Variants in GRIK3 observed in about 807,000 individuals in gnomAD.
GRIK3 encodes the protein glutamate ionotropic receptor kainate type subunit 3, also known as glutamate receptor ionotropic, kainate 3.
In GRIK3, 29 loss-of-function variants were observed where a neutral mutation model predicts 102.5. The observed-to-expected ratio is 0.28, with a 90% CI of 0.21 to 0.39. The LOEUF (loss-of-function observed/expected upper bound fraction) is 0.39, where lower values mean the gene tolerates loss of function less well. Among genes scored for constraint, GRIK3 ranks in the 10% least tolerant of loss-of-function variants. GRIK3 has a pLI of 1.00. For missense variants in GRIK3, 908 were observed against 1,252.4 expected (o/e 0.73, Z 4.15); for synonymous variants, 511 against 504.9 (o/e 1.01, Z -0.16).
chr1:36,999,664 C>T (rs775588492), intron 1 of GRIK3, among the ~76,000 whole-genome samples: 1 of 152,122 alleles, frequency 6.6e-6, no homozygotes, highest in Non-Finnish European at 1.5e-5. Context: ...ACACTGAGCC[C>T]GCTCCTACAG....
At chr1:36,823,740 C>T (rs189358067) in intron 11 of GRIK3, among the ~76,000 whole-genome samples, 2 of 152,120 alleles carry the variant, frequency 1.3e-5, no homozygotes, top group African/African-American at 2.4e-5. Context: ...CAGGTACTTG[C>T]GTTTGTCATC....
intron 1 of GRIK3, among the ~76,000 whole-genome samples, chr1:36,896,272 G>T (rs1641170432): frequency 6.6e-6 from 1 of 152,094 alleles, no homozygotes; most frequent in African/African-American, 2.4e-5. Context: ...ACAATAGTTT[G>T]TTCAAAATAA....
chr1:36,974,601 A>G (rs1239531187), intron 1 of GRIK3, among the ~76,000 whole-genome samples: 2 of 151,960 alleles, frequency 1.3e-5, no homozygotes, highest in Non-Finnish European at 2.9e-5. Flanking sequence ...GATCGAGACC[A>G]TCCTGGCTAA....
chr1:37,008,638 C>A (rs1045270824), intron 1 of GRIK3, among the ~76,000 whole-genome samples: 6 of 152,204 alleles, frequency 3.9e-5, no homozygotes, highest in Admixed American at 3.9e-4. Flanking sequence ...ACAGGGAGGG[C>A]CTGGGCAGTG....
chr1:36,823,000 G>A (rs1387963845), intron 11 of GRIK3, among the ~76,000 whole-genome samples: 1 of 152,178 alleles, frequency 6.6e-6, no homozygotes, highest in Admixed American at 6.5e-5. Flanking sequence ...ACAGTCCTAT[G>A]CCAACCTGGA....
intron 1 of GRIK3, among the ~76,000 whole-genome samples, chr1:36,951,638 G>C (rs1641845233): frequency 6.6e-6 from 1 of 152,218 alleles, no homozygotes; most frequent in Non-Finnish European, 1.5e-5. Flanking sequence ...AGGTACTTGA[G>C]CCTAAATTAA....
chr1:36,853,825 G>A, intron 7 of GRIK3, 103 bp from the exon 8 acceptor site: 1 of 709,252 alleles, frequency 1.4e-6, no homozygotes, highest in South Asian at 1.6e-5. Flanking sequence ...CACTGATACT[G>A]TTCCCCCAAG....
intron 1 of GRIK3, among the ~76,000 whole-genome samples, chr1:36,921,287 G>T (rs560402430): frequency 1.3e-5 from 2 of 152,212 alleles, no homozygotes; most frequent in Non-Finnish European, 2.9e-5. Flanking sequence ...CAGAGGTTCA[G>T]ATCCCAGCTC....
At chr1:36,905,287 A>G (rs1482076917) in intron 1 of GRIK3, among the ~76,000 whole-genome samples, 1 of 152,230 alleles carries the variant, frequency 6.6e-6, no homozygotes, top group Non-Finnish European at 1.5e-5. Flanking sequence ...GGATGGCTCA[A>G]TATTGTAAAG....
At chr1:36,904,523 G>A (rs1272217106) in intron 1 of GRIK3, among the ~76,000 whole-genome samples, 1 of 152,042 alleles carries the variant, frequency 6.6e-6, no homozygotes, top group Non-Finnish European at 1.5e-5. Flanking sequence ...CCATTTCTAG[G>A]AATATAAATT....
chr1:36,912,852 T>C (rs1641361079), intron 1 of GRIK3, among the ~76,000 whole-genome samples: 1 of 152,210 alleles, frequency 6.6e-6, no homozygotes, highest in South Asian at 2.1e-4. Flanking sequence ...TATGTGTGCC[T>C]AAAACACATA....
At chr1:36,952,310 G>A (rs1177471783) in intron 1 of GRIK3, among the ~76,000 whole-genome samples, 3 of 152,142 alleles carry the variant, frequency 2.0e-5, no homozygotes, top group Admixed American at 2.0e-4. Context: ...CCTCTGGACT[G>A]AGCTGTCATC....
At chr1:36,909,849 G>A (rs904975118) in intron 1 of GRIK3, among the ~76,000 whole-genome samples, 20 of 152,048 alleles carry the variant, frequency 1.3e-4, no homozygotes, top group African/African-American at 4.4e-4. Flanking sequence ...TATATGTTTC[G>A]GGAAACATAC....
rs527724840 is a variant in GRIK3 at position 36,988,730 on chromosome 1, A to T, written c.115+45264T>A. On this transcript the variant is annotated intron_variant, in intron 1 of 15. Coordinates refer to ENST00000373091, the MANE Select transcript of GRIK3 (RefSeq NM_000831.4). ...CATAAATATCTAAAGCTCTCAAATT[A>T]TTCTCTACATTAACTGCCTATGTTT... Among the ~76,000 whole-genome samples the T allele has an allele frequency of 2.0e-5, 3 of 152,358 alleles. No homozygotes were observed. In the South Asian group the frequency reaches 6.2e-4, roughly 32 times the overall value.
At chr1:36,919,290 C>A (rs1641440689) in intron 1 of GRIK3, among the ~76,000 whole-genome samples, 1 of 152,080 alleles carries the variant, frequency 6.6e-6, no homozygotes, top group Non-Finnish European at 1.5e-5. Flanking sequence ...CTGGAAGAAT[C>A]CCAGAAGGCC....
intron 1 of GRIK3, among the ~76,000 whole-genome samples, chr1:37,015,589 C>T (rs1642645076): frequency 6.6e-6 from 1 of 152,174 alleles, no homozygotes. Flanking sequence ...GGACTCTTGA[C>T]ACCAAAGAGC....
At chr1:36,951,632 A>T (rs1641845173) in intron 1 of GRIK3, among the ~76,000 whole-genome samples, 1 of 152,230 alleles carries the variant, frequency 6.6e-6, no homozygotes, top group African/African-American at 2.4e-5. Context: ...GTGACCAGGT[A>T]CTTGAGCCTA....
At chr1:36,883,224 A>C (rs1641002882) in intron 2 of GRIK3, among the ~76,000 whole-genome samples, 1 of 152,250 alleles carries the variant, frequency 6.6e-6, no homozygotes, top group Admixed American at 6.5e-5. Context: ...AAAACTGTTA[A>C]ACGAAACACG....
rs1032512411 is a variant in GRIK3, at chr1:37,034,471, C to T, written c.-363G>A. 4.6e-5 allele frequency among the ~76,000 whole-genome samples: 7 copies of T among 151,418 alleles called. No individual in the cohort carries two copies. The highest frequency in any genetic ancestry group is 8.9e-5 in the Non-Finnish European group (6 of 67,736). On this transcript the variant is annotated 5_prime_UTR_variant, in exon 1 of 16. Transcript: ENST00000373091. ...CGGGCGGGCTGCACGCGTCTCCGGC[C>T]GCTCCTCCTCCAGCCGCCGCCGATG...
Sources: gnomAD v4.1 joint callset for allele counts (sites outside exome capture counted in the v4.1 genomes callset) on GRCh38, gnomAD v4.1.1 for gene constraint, MANE v1.5 for transcripts, NCBI Gene and HGNC (gene_info 2026-07-23, HGNC 2026-07-21) for gene names.